DNAAF9: variants seen among roughly 807,000 people sequenced by gnomAD.
The protein encoded by DNAAF9 is dynein axonemal assembly factor 9.
A neutral mutation model predicts 167.0 loss-of-function variants in DNAAF9; 90 were observed. That is an observed-to-expected ratio of 0.54 (90% CI 0.45 to 0.64). The LOEUF is 0.64. Among genes scored for constraint, DNAAF9 ranks in the 30% least tolerant of loss-of-function variants. The pLI is 0.00. For synonymous variants in DNAAF9, 491 were observed against 508.8 expected, an observed-to-expected ratio of 0.96 and a Z score of 0.47; for missense variants, 1,315 against 1,442.2, an observed-to-expected ratio of 0.91 and a Z score of 1.43.
At chr20:3,339,396 G>A (rs1373442602) in intron 10 of DNAAF9, among the ~76,000 whole-genome samples, 1 of 152,188 alleles carries the variant, frequency 6.6e-6, no homozygotes, top group Non-Finnish European at 1.5e-5. Context: ...AGGAACTGAA[G>A]AAACAGACTT....
chr20:3,312,208 G>A (rs539650914), intron 20 of DNAAF9, among the ~76,000 whole-genome samples: 8 of 152,092 alleles, frequency 5.3e-5, no homozygotes, highest in African/African-American at 1.7e-4. Flanking sequence ...GGCTGGTCTC[G>A]AACTCCCGAC....
At chr20:3,350,778 G>A (rs1441962913) in intron 7 of DNAAF9, among the ~76,000 whole-genome samples, 2 of 152,136 alleles carry the variant, frequency 1.3e-5, no homozygotes, top group African/African-American at 2.4e-5. Flanking sequence ...CAACTTGAAG[G>A]GAGTTCATTA....
At chr20:3,387,170 T>G (rs1160028958) in intron 1 of DNAAF9, among the ~76,000 whole-genome samples, 1 of 152,198 alleles carries the variant, frequency 6.6e-6, no homozygotes, top group African/African-American at 2.4e-5. Flanking sequence ...ATTCTAAAAT[T>G]TATATGGAAT....
intron 6 of DNAAF9, among the ~76,000 whole-genome samples, chr20:3,372,776 G>A (rs1362352160): frequency 2.0e-5 from 3 of 151,982 alleles, no homozygotes; most frequent in Non-Finnish European, 4.4e-5. Context: ...GAACGGGGAT[G>A]TACCTCAGAG....
chr20:3,367,934 T>C (rs2083450985), intron 6 of DNAAF9, among the ~76,000 whole-genome samples: 1 of 147,358 alleles, frequency 6.8e-6, no homozygotes, highest in Non-Finnish European at 1.5e-5. Context: ...AAAAGCAATA[T>C]CTACAAAGTG....
At chr20:3,398,874 C>T (rs948513683) in intron 1 of DNAAF9, among the ~76,000 whole-genome samples, 2 of 152,162 alleles carry the variant, frequency 1.3e-5, no homozygotes, top group African/African-American at 4.8e-5. Flanking sequence ...TGCAGTAAGG[C>T]AATAAATGAC....
chr20:3,335,301 C>T (rs1025159378), intron 10 of DNAAF9, among the ~76,000 whole-genome samples: 3 of 152,076 alleles, frequency 2.0e-5, no homozygotes, highest in African/African-American at 7.2e-5. Flanking sequence ...TTGTAGTTTT[C>T]GTTCATCTGT....
At chr20:3,298,318 T>G in intron 21 of DNAAF9, 143 bp from the exon 22 acceptor site, 2 of 708,158 alleles carry the variant, frequency 2.8e-6, no homozygotes, top group South Asian at 3.9e-5. Context: ...ATAGATGTGC[T>G]TTACTTATAG....
chr20:3,323,034 C>T (rs1045598824), intron 14 of DNAAF9, among the ~76,000 whole-genome samples: 4 of 151,800 alleles, frequency 2.6e-5, no homozygotes, highest in African/African-American at 9.7e-5. Context: ...AAGCAGAGGC[C>T]ACGTCTCTGC....
At chr20:3,334,239 A>G (rs1280118652) in intron 10 of DNAAF9, among the ~76,000 whole-genome samples, 1 of 152,208 alleles carries the variant, frequency 6.6e-6, no homozygotes, top group Admixed American at 6.5e-5. Flanking sequence ...AGACTTATGT[A>G]TCTAACCCAC....
At chr20:3,339,109 C>T (rs1813367357) in intron 10 of DNAAF9, among the ~76,000 whole-genome samples, 1 of 152,186 alleles carries the variant, frequency 6.6e-6, no homozygotes. Flanking sequence ...GCTTCTATTA[C>T]AGTGCTTTTG....
chr20:3,288,421 G>A (rs1385197246), intron 26 of DNAAF9, among the ~76,000 whole-genome samples: 1 of 152,198 alleles, frequency 6.6e-6, no homozygotes, highest in Non-Finnish European at 1.5e-5. Flanking sequence ...CTGCACTCCA[G>A]CCTGGGCAAC....
At chr20:3,359,621 T>C (rs2083333467) in intron 6 of DNAAF9, 28 bp from the exon 7 acceptor site, 1 of 1,491,100 alleles carries the variant, frequency 6.7e-7, no homozygotes. Context: ...AACATTGAAA[T>C]AATTAAGTCA....
intron 10 of DNAAF9, among the ~76,000 whole-genome samples, chr20:3,338,092 AT>A (rs2070000484): frequency 2.0e-5 from 3 of 149,966 alleles, no homozygotes; most frequent in Admixed American, 6.7e-5. Flanking sequence ...ATATACACAC[AT>A]ACATACATAC....
intron 10 of DNAAF9, among the ~76,000 whole-genome samples, chr20:3,339,361 A>G (rs188383736): frequency 3.7e-4 from 57 of 152,318 alleles, no homozygotes; most frequent in Middle Eastern, 3.4e-3. Flanking sequence ...TTTTGTTGAA[A>G]GCCAAAAATG....
intron 6 of DNAAF9, among the ~76,000 whole-genome samples, chr20:3,369,385 T>TC: frequency 6.6e-6 from 1 of 152,220 alleles, no homozygotes; most frequent in East Asian, 1.9e-4. Flanking sequence ...GTTAACTTTT[T>TC]TTTTTTTTTC....
chr20:3,366,903 C>T (rs1400060897), intron 6 of DNAAF9, among the ~76,000 whole-genome samples: 1 of 148,928 alleles, frequency 6.7e-6, no homozygotes, highest in Admixed American at 6.7e-5. Context: ...CCAGCCTGGG[C>T]AACACGGTGA....
In DNAAF9 at chr20:3,290,144, T is replaced by C. The variant is rs755727508; in HGVS notation, c.2312A>G (p.His771Arg). 3.7e-6 allele frequency: 6 copies of C among 1,610,490 alleles called. No homozygotes were observed. The highest frequency in any genetic ancestry group is 1.3e-5 in the African/African-American group (1 of 74,996). The change falls in exon 26 of 37, where the codon CAT (histidine) becomes CGT (arginine). Residue 771 changes from histidine to arginine, a missense_variant. His to Arg is a conservative substitution (Grantham distance 29, BLOSUM62 0). This residue lies in a region of DNAAF9 where 981 missense variants were observed against 1,012.5 expected (regional missense o/e 0.97). Transcript: ENST00000252032. ...SELCAFLVTLHKECGRWMVYR... is the reference protein window; with the variant it reads ...SELCAFLVTLRKECGRWMVYR... ...CCATACTAACCTGCCACATTCCTTA[T>C]GCAGAGTGACCAGAAAAGCACAGAG... is the stretch of plus-strand genomic sequence containing the variant.
At chr20:3,316,469 T>C (rs1179684521) in intron 18 of DNAAF9, among the ~76,000 whole-genome samples, 1 of 150,926 alleles carries the variant, frequency 6.6e-6, no homozygotes, top group African/African-American at 2.5e-5. Context: ...TCTTAATTTC[T>C]TCCTTTCCTA....
Sources: allele counts gnomAD v4.1 joint callset (sites outside exome capture counted in the v4.1 genomes callset), GRCh38; gene constraint gnomAD v4.1.1; regional missense constraint gnomAD v4.1.1; transcripts MANE v1.5; gene names NCBI Gene and HGNC (gene_info 2026-07-23, HGNC 2026-07-21).